The following CAPZB variants were observed in gnomAD, a reference collection of about 807,000 sequenced individuals.
CAPZB encodes the protein capping actin protein of muscle Z-line subunit beta.
A neutral mutation model predicts 38.1 loss-of-function variants in CAPZB; 2 were observed. That is an observed-to-expected ratio of 0.05 (90% confidence interval 0.02 to 0.17). The LOEUF is 0.17. CAPZB is among the 10% of genes least tolerant of loss of function. CAPZB has a pLI of 1.00. For missense variants in CAPZB, 161 were observed against 334.2 expected (o/e 0.48, Z 4.04); for synonymous variants, 107 against 127.4 (o/e 0.84, Z 1.08).
At chr1:19,363,646 G>A (rs1158787956) in intron 4 of CAPZB, among the ~76,000 whole-genome samples, 1 of 151,674 alleles carries the variant, frequency 6.6e-6, no homozygotes, top group Non-Finnish European at 1.5e-5. Context: ...AAAGCTTTAT[G>A]GAGTGTCTGA....
chr1:19,469,161 T>C (rs1428151473), intron 1 of CAPZB, among the ~76,000 whole-genome samples: 2 of 152,110 alleles, frequency 1.3e-5, no homozygotes, highest in East Asian at 1.9e-4. Flanking sequence ...GAAGACGGGA[T>C]AGGGCCAAGC....
rs565961094 is a variant in CAPZB at position 19,370,897 on chromosome 1, G to A, written c.329+7643C>T. On this transcript the variant is annotated intron_variant, in intron 4 of 8. Coordinates refer to ENST00000264202, the MANE Select transcript of CAPZB (RefSeq NM_004930.5). ...GACCCAGCTCTCATTCCTTTGCAGC[G>A]TTTATCAAACTGTGCAAGTACTGTG... Among the ~76,000 whole-genome samples, 6 of 152,296 alleles carry A rather than the reference G, an allele frequency of 3.9e-5. 1 individual carries two copies. In the East Asian group the frequency reaches 7.7e-4, roughly 20 times the overall value.
chr1:19,404,979 C>T (rs2094323671), intron 2 of CAPZB, among the ~76,000 whole-genome samples: 1 of 152,172 alleles, frequency 6.6e-6, no homozygotes, highest in Non-Finnish European at 1.5e-5. Flanking sequence ...ATTCAGGATG[C>T]ATGCTCCCAG....
At position 19,437,805 on chromosome 1, in the gene CAPZB, T is replaced by C. The variant is rs148794840; in HGVS notation, c.4-18055A>G. 4.6e-3 allele frequency among the ~76,000 whole-genome samples: 696 copies of C among 152,194 alleles called. 2 individuals carry two copies. The highest frequency in any genetic ancestry group is 6.2e-3 in the Non-Finnish European group (419 of 67,990). ...AACTTCATGACACAAAGAGAAAACA[T>C]TGTTGCTTTCATTTGCCAATTTTTA... is the stretch of plus-strand genomic sequence containing the variant. On this transcript the variant is annotated intron_variant, in intron 1 of 8. Coordinates refer to ENST00000264202, the MANE Select transcript of CAPZB (RefSeq NM_004930.5).
chr1:19,442,512 T>G (rs890880431), intron 1 of CAPZB, among the ~76,000 whole-genome samples: 4 of 152,200 alleles, frequency 2.6e-5, no homozygotes, highest in African/African-American at 9.6e-5. Context: ...AAAGTTCCCT[T>G]ACGGTAAGGC....
chr1:19,482,176 A>G (rs1228901126), intron 1 of CAPZB, among the ~76,000 whole-genome samples: 2 of 152,242 alleles, frequency 1.3e-5, no homozygotes, highest in Non-Finnish European at 2.9e-5. Flanking sequence ...AGTTATAAAT[A>G]GGAGCATCTG....
chr1:19,399,645 G>A (rs529983629), intron 2 of CAPZB, among the ~76,000 whole-genome samples: 53 of 152,318 alleles, frequency 3.5e-4, no homozygotes, highest in Non-Finnish European at 6.3e-4. Context: ...TGAGGGCTGT[G>A]AGTACAGAGG....
chr1:19,391,499 T>C (rs2094234858), intron 2 of CAPZB, among the ~76,000 whole-genome samples: 1 of 152,256 alleles, frequency 6.6e-6, no homozygotes. Context: ...ATGCTGCAGC[T>C]GCCGACGTCC....
At position 19,379,809 on chromosome 1, in the gene CAPZB, G is replaced by A. The variant is rs75302003; in HGVS notation, c.216-1156C>T. 4.1e-3 allele frequency among the ~76,000 whole-genome samples: 621 copies of A among 152,246 alleles called. 3 individuals are homozygous for A. The highest frequency in any genetic ancestry group is 0.014 in the African/African-American group (600 of 41,524). Reference sequence around the variant, plus strand: ...TTAATTCCTGCAGGTGGGGTTCAGAGGGCCGAGTGTTCAGAGAAAGTAGCA... The same window carrying A: ...TTAATTCCTGCAGGTGGGGTTCAGAAGGCCGAGTGTTCAGAGAAAGTAGCA... On this transcript the variant is annotated intron_variant, in intron 3 of 8. Transcript: ENST00000264202.
chr1:19,475,889 G>T (rs1158619064), intron 1 of CAPZB, among the ~76,000 whole-genome samples: 2 of 152,104 alleles, frequency 1.3e-5, no homozygotes, highest in African/African-American at 4.8e-5. Flanking sequence ...CTGTGTCAGG[G>T]CCAGTGTGTA....
Position 19,357,566 on chromosome 1 carries a change from G to A in CAPZB, c.330-3C>T, listed in dbSNP as rs1210319951. Reference sequence around the variant, plus strand: ...ATGAGACGCCACCTTCAAAATACCTGCAGGAAACAGGCCAATGTGCCTGTT... The same window carrying A: ...ATGAGACGCCACCTTCAAAATACCTACAGGAAACAGGCCAATGTGCCTGTT... On this transcript the variant is annotated splice_region_variant and splice_polypyrimidine_tract_variant and intron_variant, in intron 4 of 8. Coordinates refer to ENST00000264202, the MANE Select transcript of CAPZB (RefSeq NM_004930.5). This position sits in a 1 kb window ranked among gnomAD's most constrained non-coding sequence, Gnocchi z 4.3. 6.2e-7 allele frequency: 1 copy of A among 1,613,840 alleles called. No homozygotes were observed. The highest frequency in any genetic ancestry group is 8.5e-7 in the Non-Finnish European group (1 of 1,179,934).
intron 2 of CAPZB, among the ~76,000 whole-genome samples, chr1:19,402,952 G>A (rs947145336): frequency 6.6e-6 from 1 of 152,154 alleles, no homozygotes; most frequent in Non-Finnish European, 1.5e-5. Context: ...GGGAGGCTGA[G>A]GCAGGAGAAT....
At chr1:19,391,542 A>G (rs899965590) in intron 2 of CAPZB, among the ~76,000 whole-genome samples, 1 of 152,136 alleles carries the variant, frequency 6.6e-6, no homozygotes, top group Admixed American at 6.5e-5. Flanking sequence ...TGTTCCTTTT[A>G]TTTTTCCAGA....
chr1:19,404,851 T>C (rs148531444), intron 2 of CAPZB, among the ~76,000 whole-genome samples: 10 of 152,302 alleles, frequency 6.6e-5, no homozygotes, highest in Non-Finnish European at 1.3e-4. Context: ...CCTACATGAC[T>C]TCCTTTAATA....
At chr1:19,347,144 C>T (rs2100260015) in intron 6 of CAPZB, among the ~76,000 whole-genome samples, 1 of 152,050 alleles carries the variant, frequency 6.6e-6, no homozygotes, top group South Asian at 2.1e-4. Context: ...CCTGGCCGAC[C>T]CAACTTTTGT....
intron 1 of CAPZB, among the ~76,000 whole-genome samples, chr1:19,429,940 A>G (rs2094436773): frequency 6.6e-6 from 1 of 152,172 alleles, no homozygotes; most frequent in South Asian, 2.1e-4. Flanking sequence ...AGCTGAAGGA[A>G]TTCCACATGT....
chr1:19,450,164 A>G (rs566334871), intron 1 of CAPZB, among the ~76,000 whole-genome samples: 1 of 131,164 alleles, frequency 7.6e-6, no homozygotes, highest in African/African-American at 3.1e-5. Flanking sequence ...AAAAAAAAAA[A>G]AAAAAGAAAA....
At chr1:19,374,148 G>A (rs184073204) in intron 4 of CAPZB, 48 of 152,522 alleles carry the variant, frequency 3.1e-4, no homozygotes, top group Admixed American at 7.8e-4. Flanking sequence ...AGCAGGGTAC[G>A]GCGGGGGCAG....
At chr1:19,449,864 G>C (rs1349455931) in intron 1 of CAPZB, among the ~76,000 whole-genome samples, 2 of 151,526 alleles carry the variant, frequency 1.3e-5, no homozygotes, top group Non-Finnish European at 2.9e-5. Flanking sequence ...ATATAGGCTG[G>C]GCACAGTAGC....
Sources: allele counts gnomAD v4.1 joint callset (sites outside exome capture counted in the v4.1 genomes callset), GRCh38; gene constraint gnomAD v4.1.1; non-coding constraint Gnocchi (gnomAD v3.1); transcripts MANE v1.5; gene names NCBI Gene and HGNC (gene_info 2026-07-23, HGNC 2026-07-21).